IRAG1: variants seen among roughly 807,000 people sequenced by gnomAD.
IRAG1 encodes the protein inositol 1,4,5-triphosphate receptor associated 1.
Under a neutral mutation model 106.2 loss-of-function variants are expected in IRAG1, and 62 were observed. That is an observed-to-expected ratio of 0.58 (90% CI 0.48 to 0.72). The LOEUF (loss-of-function observed/expected upper bound fraction) is 0.72, where lower values mean the gene tolerates loss of function less well. Ranked by LOEUF, IRAG1 falls within the 30% of genes least tolerant of loss-of-function variation. IRAG1 has a pLI of 0.00. For missense variants in IRAG1, 1,064 were observed against 1,140.7 expected (o/e 0.93, Z 0.97); for synonymous variants, 462 against 443.9 (o/e 1.04, Z -0.51).
chr11:10,652,961 G>A (rs926240305), intron 1 of IRAG1, among the ~76,000 whole-genome samples: 4 of 152,150 alleles, frequency 2.6e-5, no homozygotes, highest in Admixed American at 6.5e-5. Flanking sequence ...ACTCCCAGAA[G>A]CCAGGCTATC....
At chr11:10,639,456 C>T (rs564917248) in intron 2 of IRAG1, among the ~76,000 whole-genome samples, 3 of 152,230 alleles carry the variant, frequency 2.0e-5, no homozygotes, top group African/African-American at 4.8e-5. Context: ...ATCCACGTGG[C>T]GCAGACTCTG....
intron 18 of IRAG1, among the ~76,000 whole-genome samples, chr11:10,588,004 A>T (rs1292302681): frequency 6.6e-6 from 1 of 152,240 alleles, no homozygotes; most frequent in Non-Finnish European, 1.5e-5. Flanking sequence ...TGTGAGGATT[A>T]ACTGAGATTA....
chr11:10,583,587 C>G (rs1488136823), intron 18 of IRAG1, among the ~76,000 whole-genome samples: 1 of 152,052 alleles, frequency 6.6e-6, no homozygotes, highest in Non-Finnish European at 1.5e-5. Flanking sequence ...ACAGACACAG[C>G]AATTCGAGTA....
chr11:10,585,695 A>G (rs1372705900), intron 18 of IRAG1, among the ~76,000 whole-genome samples: 1 of 151,948 alleles, frequency 6.6e-6, no homozygotes, highest in Non-Finnish European at 1.5e-5. Flanking sequence ...GTAGAGCTCA[A>G]ATTTTACCCT....
At chr11:10,673,270 T>G (rs1860394099) in intron 1 of IRAG1, among the ~76,000 whole-genome samples, 1 of 151,786 alleles carries the variant, frequency 6.6e-6, no homozygotes, top group African/African-American at 2.4e-5. Flanking sequence ...GGTGACGGAG[T>G]GAAACTTTGT....
intron 1 of IRAG1, among the ~76,000 whole-genome samples, chr11:10,670,346 C>G (rs986898184): frequency 6.6e-6 from 1 of 152,160 alleles, no homozygotes; most frequent in African/African-American, 2.4e-5. Context: ...GGCTGGTCAT[C>G]CACCCTCCTT....
intron 2 of IRAG1, among the ~76,000 whole-genome samples, chr11:10,639,539 C>A (rs1857370892): frequency 6.6e-6 from 1 of 152,152 alleles, no homozygotes; most frequent in Non-Finnish European, 1.5e-5. Flanking sequence ...TTTACTCTCA[C>A]CTCTCAAAGA....
chr11:10,580,739 C>A (rs1237620821), intron 19 of IRAG1, 150 bp from the exon 20 acceptor site: 3 of 923,422 alleles, frequency 3.2e-6, no homozygotes, highest in Non-Finnish European at 4.8e-6. Context: ...GGAAGCTCCA[C>A]TGAATCCTAA....
intron 10 of IRAG1, chr11:10,617,088 T>C (rs1191871453): frequency 1.0e-6 from 1 of 985,278 alleles, no homozygotes; most frequent in East Asian, 1.1e-4. Context: ...CCTGAGGCTC[T>C]GAGTCTAGAC....
At chr11:10,591,722 C>A in intron 17 of IRAG1, 110 bp from the exon 18 acceptor site, 1 of 945,406 alleles carries the variant, frequency 1.1e-6, no homozygotes, top group South Asian at 1.4e-5. Context: ...TCTCCTCTTT[C>A]CTCCATGCCC....
At chr11:10,622,297 C>T (rs1016301927) in intron 10 of IRAG1, among the ~76,000 whole-genome samples, 9 of 151,978 alleles carry the variant, frequency 5.9e-5, no homozygotes, top group East Asian at 1.9e-4. Context: ...AGGGAGATGC[C>T]GCGGGGACAG....
chr11:10,593,640 A>G (rs1291260168), intron 16 of IRAG1, 41 bp from the exon 17 acceptor site: 2 of 1,436,890 alleles, frequency 1.4e-6, no homozygotes, highest in African/African-American at 2.8e-5. Context: ...TCTTGGAGGT[A>G]GCAATAGCCA....
chr11:10,645,530 T>G (rs2134814354), intron 2 of IRAG1, among the ~76,000 whole-genome samples: 1 of 152,364 alleles, frequency 6.6e-6, no homozygotes, highest in Middle Eastern at 3.4e-3. Flanking sequence ...CTGGATAAGA[T>G]ACCTAACTGC....
chr11:10,663,922 C>A (rs1315927805), intron 1 of IRAG1, among the ~76,000 whole-genome samples: 1 of 152,188 alleles, frequency 6.6e-6, no homozygotes, highest in Non-Finnish European at 1.5e-5. Flanking sequence ...CGCTCTAGGT[C>A]ACACAGTCAG....
chr11:10,666,538 A>G (rs552605693), intron 1 of IRAG1, among the ~76,000 whole-genome samples: 1 of 152,332 alleles, frequency 6.6e-6, no homozygotes, highest in South Asian at 2.1e-4. Context: ...CTAAGGCTTC[A>G]CCAGTTTGTC....
rs1851449356 is a variant in IRAG1 at position 10,582,074 on chromosome 11, T to G, written c.2241-88A>C. 8 of 1,467,196 alleles carry G rather than the reference T, an allele frequency of 5.5e-6. No homozygotes were observed. The Admixed American group carries it at 1.8e-4, about 33-fold the overall frequency. The allele number at this position is 1,467,196 out of a possible 1,614,324, so 90.9% of individuals were successfully genotyped here. Reference sequence around the variant, plus strand: ...CCATGTTTTTGGCCCGATTCCTGATTAGGAGTGAGGAAACTCAGGCTTTTT... The same window carrying G: ...CCATGTTTTTGGCCCGATTCCTGATGAGGAGTGAGGAAACTCAGGCTTTTT... On this transcript the variant is annotated intron_variant, in intron 18 of 20. Transcript: ENST00000423302.
At chr11:10,635,812 A>G (rs1857102426) in intron 2 of IRAG1, among the ~76,000 whole-genome samples, 1 of 152,190 alleles carries the variant, frequency 6.6e-6, no homozygotes, top group Non-Finnish European at 1.5e-5. Flanking sequence ...GGGGAGCACC[A>G]TGCTGCTTCT....
intron 1 of IRAG1, among the ~76,000 whole-genome samples, chr11:10,680,353 GAAA>G (rs1178249085): frequency 1.2e-4 from 10 of 84,852 alleles, no homozygotes; most frequent in East Asian, 7.8e-4. Context: ...AGGAAAGAAA[GAAA>G]GAAAGAAAGA....
At chr11:10,579,762 G>T (rs192110440) in intron 20 of IRAG1, among the ~76,000 whole-genome samples, 2 of 152,102 alleles carry the variant, frequency 1.3e-5, no homozygotes, top group African/African-American at 4.8e-5. Context: ...TCATTTCTAC[G>T]ATTCTGCATC....
Sources: gnomAD v4.1 joint callset for allele counts (sites outside exome capture counted in the v4.1 genomes callset) on GRCh38, gnomAD v4.1.1 for gene constraint, MANE v1.5 for transcripts, NCBI Gene and HGNC (gene_info 2026-07-23, HGNC 2026-07-21) for gene names.